The following ATG13 variants were observed in gnomAD, a reference collection of about 807,000 sequenced individuals.
The protein encoded by ATG13 is autophagy-related protein 13.
In ATG13, 23 loss-of-function variants were observed where a neutral mutation model predicts 65.5. The observed-to-expected ratio is 0.35, with a 90% confidence interval of 0.25 to 0.50. ATG13 has a LOEUF of 0.50. Among genes scored for constraint, ATG13 ranks in the 20% least tolerant of loss-of-function variants. ATG13 has a pLI of 0.98. For missense variants in ATG13, 566 were observed against 677.0 expected (o/e 0.84, Z 1.82); for synonymous variants, 252 against 245.2 (o/e 1.03, Z -0.26).
Position 46,665,483 on chromosome 11 carries a change from C to T in ATG13, c.1100C>T (p.Ser367Phe), listed in dbSNP as rs367617041. 6.2e-7 allele frequency: 1 copy of T among 1,614,138 alleles called. No homozygotes were observed. Among genetic ancestry groups the T allele is most frequent in the Non-Finnish European group, 8.5e-7 (1 of 1,180,052 alleles). ...GAGAGACTGGCAACCTGCACCCCTT[C>T]TGACAGAACCCACTGTGCTGCCACA... is the stretch of plus-strand genomic sequence containing the variant. ...DQERLATCTP[S>F]DRTHCAATPS... Residue 367 changes from serine (S) to phenylalanine (F), a missense_variant, in exon 14 of 19, where the codon TCT becomes TTT. This residue lies in a region of ATG13 where 387 missense variants were observed against 409.8 expected (regional missense o/e 0.94). Transcript: ENST00000683050.
At chr11:46,668,103 C>T (rs551100009) in intron 15 of ATG13, among the ~76,000 whole-genome samples, 7 of 152,306 alleles carry the variant, frequency 4.6e-5, no homozygotes, top group African/African-American at 1.4e-4. Context: ...CCTTTTAAAG[C>T]CTCCTACAAG....
chr11:46,646,446 C>G (rs1381767230), intron 5 of ATG13, among the ~76,000 whole-genome samples: 1 of 136,756 alleles, frequency 7.3e-6, no homozygotes, highest in Non-Finnish European at 1.6e-5. Flanking sequence ...CTGCACCCAC[C>G]CTGTTTTTTG....
chr11:46,623,524 T>C (rs1388814553), intron 1 of ATG13, among the ~76,000 whole-genome samples: 1 of 151,670 alleles, frequency 6.6e-6, no homozygotes, highest in Admixed American at 6.6e-5. Flanking sequence ...GCCTCCCGGG[T>C]TCAAGCAGTT....
At chr11:46,654,544 G>T (rs1359855195) in intron 7 of ATG13, among the ~76,000 whole-genome samples, 1 of 149,664 alleles carries the variant, frequency 6.7e-6, no homozygotes, top group Admixed American at 6.7e-5. Context: ...AACACACCGA[G>T]ACCCTGTCTA....
At chr11:46,647,317 G>A (rs1440987025) in intron 5 of ATG13, among the ~76,000 whole-genome samples, 2 of 144,284 alleles carry the variant, frequency 1.4e-5, no homozygotes, top group East Asian at 2.1e-4. Context: ...AGACAGAGTC[G>A]CGTAGGTTGG....
chr11:46,673,941 T>G lies in ATG13; in HGVS notation c.*1609T>G, dbSNP rs1237671847. 1 of 152,208 alleles carries G rather than the reference T, an allele frequency of 6.6e-6. No individual in the cohort carries two copies. Among genetic ancestry groups the G allele is most frequent in the Admixed American group, 6.5e-5 (1 of 15,276 alleles). 9.4% of individuals were successfully genotyped at this position (152,208 alleles called of 1,614,324 possible). A position where few individuals can be genotyped will look rare whatever the true frequency, so the allele number is the denominator to read the frequency against. The stretch of plus-strand genomic sequence containing the variant: ...CTGACTTCTGAGGATTGGAGCAGGC[T>G]CTGGCGGGGACCAGAGCTCTGCGTG... On this transcript the variant is annotated 3_prime_UTR_variant, in exon 19 of 19. Transcript: ENST00000683050.
chr11:46,659,259 C>T, intron 10 of ATG13, 133 bp from the exon 11 acceptor site: 1 of 640,730 alleles, frequency 1.6e-6, no homozygotes, highest in East Asian at 2.7e-5. Flanking sequence ...ACTCCACATG[C>T]CTTTCTTGCC....
intron 12 of ATG13, 165 bp downstream of exon 12, chr11:46,664,260 C>T: frequency 1.8e-6 from 1 of 543,790 alleles, no homozygotes; most frequent in Non-Finnish European, 3.1e-6. Context: ...GGCCCAACAG[C>T]CTAAAATAGG....
intron 13 of ATG13, 131 bp from the exon 14 acceptor site, chr11:46,665,252 G>A: frequency 3.5e-6 from 4 of 1,147,676 alleles, no homozygotes; most frequent in Non-Finnish European, 5.0e-6. Context: ...AAAGATCCAG[G>A]GATTGCTGCC....
intron 1 of ATG13, 101 bp from the exon 2 acceptor site, chr11:46,629,944 T>C (rs1213883775): frequency 6.6e-6 from 1 of 152,134 alleles, no homozygotes; most frequent in Admixed American, 6.6e-5. Context: ...ACAGGCAGAA[T>C]TGGATATGGC....
chr11:46,665,994 G>C (rs1420452938), intron 14 of ATG13, among the ~76,000 whole-genome samples: 3 of 151,616 alleles, frequency 2.0e-5, no homozygotes, highest in Admixed American at 2.0e-4. Context: ...TAGTAGAGAT[G>C]GGGGGTCTCG....
intron 1 of ATG13, among the ~76,000 whole-genome samples, chr11:46,618,748 T>G (rs1453719445): frequency 6.6e-6 from 1 of 152,128 alleles, no homozygotes; most frequent in African/African-American, 2.4e-5. Context: ...TTATGAGGTT[T>G]TTTTTTTGTT....
At chr11:46,618,364 A>G (rs1330462658) in intron 1 of ATG13, 1 of 152,676 alleles carries the variant, frequency 6.5e-6, no homozygotes, top group Non-Finnish European at 1.5e-5. Flanking sequence ...TTCTCATTAA[A>G]TAAATCTCTG....
intron 2 of ATG13, 23 bp from the exon 3 acceptor site, chr11:46,644,255 AT>A: frequency 6.6e-6 from 10 of 1,519,920 alleles, no homozygotes; most frequent in Admixed American, 3.9e-5. Flanking sequence ...TATTAGTCAT[AT>A]TTTTTTCACT....
intron 1 of ATG13, among the ~76,000 whole-genome samples, chr11:46,622,649 A>G (rs1037543214): frequency 2.0e-5 from 3 of 152,204 alleles, no homozygotes; most frequent in Non-Finnish European, 4.4e-5. Context: ...TGCTGAATCA[A>G]AGGGGAGAAA....
chr11:46,667,215 G>C (rs375919023), intron 14 of ATG13, among the ~76,000 whole-genome samples: 2 of 152,110 alleles, frequency 1.3e-5, no homozygotes, highest in African/African-American at 2.4e-5. Flanking sequence ...TTGAATCCCC[G>C]TTTTTGGCCA....
At chr11:46,633,558 G>A (rs1311108934) in intron 2 of ATG13, among the ~76,000 whole-genome samples, 1 of 151,970 alleles carries the variant, frequency 6.6e-6, no homozygotes, top group Non-Finnish European at 1.5e-5. Flanking sequence ...TGTTGGTCAG[G>A]CTGGTCTTGA....
intron 15 of ATG13, 105 bp from the exon 16 acceptor site, chr11:46,668,394 T>A: frequency 8.8e-7 from 1 of 1,137,632 alleles, no homozygotes; most frequent in Non-Finnish European, 1.3e-6. Context: ...ATGGTCAGCA[T>A]AGCTGTGTGA....
intron 1 of ATG13, among the ~76,000 whole-genome samples, chr11:46,627,101 C>T (rs1312145533): frequency 6.6e-6 from 1 of 152,072 alleles, no homozygotes; most frequent in Non-Finnish European, 1.5e-5. Flanking sequence ...TTAGCCCGGG[C>T]CGGGCGTGAT....
Sources: gnomAD v4.1 joint callset for allele counts (sites outside exome capture counted in the v4.1 genomes callset) on GRCh38, gnomAD v4.1.1 for gene constraint, gnomAD v4.1.1 regional missense constraint, MANE v1.5 for transcripts, NCBI Gene and HGNC (gene_info 2026-07-23, HGNC 2026-07-21) for gene names.